The following SLC30A6 variants were observed in gnomAD, a reference collection of about 807,000 sequenced individuals.
SLC30A6 encodes the protein zinc transporter 6.
SLC30A6 carries 55 observed loss-of-function variants against 63.0 expected under a neutral mutation model. The observed-to-expected ratio is 0.87, with a 90% CI of 0.70 to 1.09. The LOEUF is 1.09. Among genes scored for constraint, SLC30A6 ranks in the 50% least tolerant of loss-of-function variants. SLC30A6 has a pLI of 0.00. For missense variants in SLC30A6, 587 were observed against 549.2 expected (o/e 1.07, Z -0.69); for synonymous variants, 224 against 186.1 (o/e 1.20, Z -1.66).
At chr2:32,165,969 A>G in intron 1 of SLC30A6, 66 bp downstream of exon 1, 1 of 1,611,644 alleles carries the variant, frequency 6.2e-7, no homozygotes, top group African/African-American at 1.3e-5. Context: ...TTGGTCCCGA[A>G]GCGACCTTGA....
rs144864990 is a variant in SLC30A6 at position 32,209,308 on chromosome 2, T to G, written c.817-185T>G. Among the ~76,000 whole-genome samples the G allele has an allele frequency of 3.9e-3, 591 of 152,312 alleles. 7 individuals carry two copies. The highest frequency in any genetic ancestry group is 0.014 in the African/African-American group (575 of 41,562). On this transcript the variant is annotated intron_variant, in intron 12 of 13. Transcript: ENST00000282587. ...AGCAAGAAACGAGGAAAGCAAGGTC[T>G]TGGGTCAGTATGGAACAAACAGGAA...
chr2:32,215,799 G>T (rs212695), intron 13 of SLC30A6, among the ~76,000 whole-genome samples: 92,073 of 151,644 alleles, frequency 0.61, 28,148 homozygotes, highest in Admixed American at 0.64. Context: ...CAACCCTCTA[G>T]GCTCAAGCAG....
chr2:32,210,404 A>G (rs1268518400), intron 13 of SLC30A6, among the ~76,000 whole-genome samples: 1 of 150,706 alleles, frequency 6.6e-6, no homozygotes, highest in East Asian at 2.0e-4. Context: ...AATTCCAGTT[A>G]CTCGGGAGGC....
chr2:32,215,865 T>C (rs958733870), intron 13 of SLC30A6, among the ~76,000 whole-genome samples: 2 of 92,112 alleles, frequency 2.2e-5, no homozygotes, highest in Non-Finnish European at 4.7e-5. Context: ...CCTGGCTAAT[T>C]TATTTTTTAT....
intron 4 of SLC30A6, among the ~76,000 whole-genome samples, chr2:32,181,980 G>A (rs1159185722): frequency 2.0e-5 from 3 of 146,396 alleles, no homozygotes; most frequent in Non-Finnish European, 4.5e-5. Context: ...TGTCACCCAG[G>A]CTGAGTACAG....
rs531523097 is a variant in SLC30A6 at position 32,171,951 on chromosome 2, C to T, written c.90+578C>T. ...TCAGGTGATCCGCCCACCTCGGCCT[C>T]CCAAAGTGCTGGGATTACAGGCGTG... On this transcript the variant is annotated intron_variant, in intron 2 of 13. Transcript: ENST00000282587. Among the ~76,000 whole-genome samples, 9 of 152,310 alleles carry T rather than the reference C, an allele frequency of 5.9e-5. No individual in the cohort carries two copies. In the South Asian group the frequency reaches 1.9e-3, roughly 32 times the overall value.
intron 5 of SLC30A6, among the ~76,000 whole-genome samples, chr2:32,185,838 G>A (rs1306096484): frequency 2.0e-5 from 3 of 151,092 alleles, no homozygotes; most frequent in Non-Finnish European, 4.4e-5. Flanking sequence ...TTCTGCCTCA[G>A]CCTCCCGAGT....
chr2:32,180,329 A>T (rs1682183385), intron 4 of SLC30A6, among the ~76,000 whole-genome samples: 1 of 152,068 alleles, frequency 6.6e-6, no homozygotes, highest in Non-Finnish European at 1.5e-5. Flanking sequence ...ACTTGAGCCC[A>T]AAAGGTCAAG....
intron 2 of SLC30A6, 136 bp downstream of exon 2, chr2:32,171,509 A>T (rs1476170164): frequency 3.3e-6 from 2 of 609,264 alleles, no homozygotes; most frequent in African/African-American, 3.7e-5. Flanking sequence ...TTGGAAAAGT[A>T]TTTTTTTAGT....
At chr2:32,210,235 G>A (rs1685134723) in intron 13 of SLC30A6, among the ~76,000 whole-genome samples, 1 of 151,812 alleles carries the variant, frequency 6.6e-6, no homozygotes, top group Non-Finnish European at 1.5e-5. Context: ...TCACGGGCTG[G>A]GCGTGGTAGC....
chr2:32,198,912 C>G (rs755048477), intron 10 of SLC30A6, among the ~76,000 whole-genome samples: 60 of 152,194 alleles, frequency 3.9e-4, no homozygotes, highest in Admixed American at 5.9e-4. Context: ...TTGCATGCAG[C>G]CATTACCACC....
chr2:32,167,132 A>G (rs1427114762), intron 1 of SLC30A6, among the ~76,000 whole-genome samples: 3 of 152,020 alleles, frequency 2.0e-5, no homozygotes, highest in South Asian at 2.1e-4. Flanking sequence ...CTGGAGTGCA[A>G]TGGCGCGATC....
chr2:32,207,509 C>T (rs186135), intron 12 of SLC30A6, among the ~76,000 whole-genome samples: 108,578 of 151,112 alleles, frequency 0.72, 39,296 homozygotes, highest in African/African-American at 0.76. Flanking sequence ...CCTGAGTAGC[C>T]GGGACTACAG....
In SLC30A6 at chr2:32,202,036, C is replaced by T. The variant is rs1159368373; in HGVS notation, c.666-2554C>T. ...ATTGATGAATATGAAAAAAAAAAAGCAAGTATCATCCTTAGATAGTTCTAC... is the reference window on the plus strand; with the variant it reads ...ATTGATGAATATGAAAAAAAAAAAGTAAGTATCATCCTTAGATAGTTCTAC... On this transcript the variant is annotated intron_variant, in intron 10 of 13. Coordinates refer to ENST00000282587, the MANE Select transcript of SLC30A6 (RefSeq NM_017964.5). 1.0e-5 allele frequency: 10 copies of T among 1,000,486 alleles called. No homozygotes were observed. The East Asian group carries it at 2.3e-4, about 23-fold the overall frequency. 62.0% of individuals were successfully genotyped at this position (1,000,486 alleles called of 1,614,324 possible).
In SLC30A6 at chr2:32,184,261, CT is replaced by C. The variant is rs1682607902; in HGVS notation, c.219-7del. The C allele has an allele frequency of 4.8e-6, 7 of 1,456,416 alleles. No homozygotes were observed. The highest frequency in any genetic ancestry group is 6.5e-6 in the Non-Finnish European group (7 of 1,077,484). The allele number at this position is 1,456,416 out of a possible 1,614,324, so 90.2% of individuals were successfully genotyped here. A position where few individuals can be genotyped will look rare whatever the true frequency, so the allele number is the denominator to read the frequency against. The stretch of plus-strand genomic sequence containing the variant: ...TAGTTCTAATACTAAATTTATTTTT[CT>C]TTTTACTTAGTTTAATGACATGTTT... On this transcript the variant is annotated splice_polypyrimidine_tract_variant and intron_variant, in intron 4 of 13. Coordinates refer to ENST00000282587, the MANE Select transcript of SLC30A6 (RefSeq NM_017964.5).
intron 10 of SLC30A6, chr2:32,203,194 C>T: frequency 6.0e-6 from 7 of 1,173,846 alleles, no homozygotes; most frequent in South Asian, 1.2e-5. Flanking sequence ...CATGGTTCTC[C>T]TCCTCAGGAT....
chr2:32,192,939 G>A lies in SLC30A6; in HGVS notation c.387G>A (p.Gln129=), dbSNP rs747304388. Residue 129 remains glutamine (Q), a synonymous_variant, in exon 7 of 14, where the codon CAG becomes CAA. Transcript: ENST00000282587. ...LKESAERFLE[Q]PEIHTGRLLV... ...ATAGTGCAGAACGCTTTTTGGAACAGCCCGAGATACACACGTGAGATTTTA... is the reference window on the plus strand; with the variant it reads ...ATAGTGCAGAACGCTTTTTGGAACAACCCGAGATACACACGTGAGATTTTA... The A allele has an allele frequency of 6.6e-7, 1 of 1,516,662 alleles. No individual in the cohort carries two copies. The highest frequency in any genetic ancestry group is 2.4e-5 in the East Asian group (1 of 41,804). 94.0% of individuals were successfully genotyped at this position (1,516,662 alleles called of 1,614,324 possible). A position where few individuals can be genotyped will look rare whatever the true frequency, so the allele number is the denominator to read the frequency against.
chr2:32,178,978 G>A (rs1012518619), intron 4 of SLC30A6, among the ~76,000 whole-genome samples: 1 of 152,158 alleles, frequency 6.6e-6, no homozygotes, highest in Non-Finnish European at 1.5e-5. Flanking sequence ...ATCCAGCTCA[G>A]CCTCCTGAGT....
At chr2:32,188,369 G>T (rs1274382191) in intron 5 of SLC30A6, among the ~76,000 whole-genome samples, 2 of 152,132 alleles carry the variant, frequency 1.3e-5, no homozygotes, top group African/African-American at 4.8e-5. Flanking sequence ...ACCAAACAAG[G>T]TATTTGTTTT....
Sources: allele counts gnomAD v4.1 joint callset (sites outside exome capture counted in the v4.1 genomes callset), GRCh38; gene constraint gnomAD v4.1.1; transcripts MANE v1.5; gene names NCBI Gene and HGNC (gene_info 2026-07-23, HGNC 2026-07-21).